KSR2: variants seen among roughly 807,000 people sequenced by gnomAD.
The protein encoded by KSR2 is kinase suppressor of ras 2.
A neutral mutation model predicts 107.8 loss-of-function variants in KSR2; 25 were observed. That is an observed-to-expected ratio of 0.23 (90% CI 0.17 to 0.32). The LOEUF is 0.32. Among genes scored for constraint, KSR2 ranks in the 10% least tolerant of loss-of-function variants. The pLI is 1.00. For synonymous variants in KSR2, 480 were observed against 507.0 expected (o/e 0.95, Z 0.71); for missense variants, 887 against 1,268.9 (o/e 0.70, Z 4.57).
chr12:117,734,761 G>GATGGATGGATGA (rs1444596436), intron 4 of KSR2, among the ~76,000 whole-genome samples: 7 of 152,052 alleles, frequency 4.6e-5, no homozygotes, highest in Non-Finnish European at 8.8e-5. Flanking sequence ...TGCATGGATG[G>GATGGATGGATGA]ATGGATGGAT....
At chr12:117,662,341 C>T (rs1223654960) in intron 5 of KSR2, among the ~76,000 whole-genome samples, 2 of 152,124 alleles carry the variant, frequency 1.3e-5, no homozygotes, top group African/African-American at 2.4e-5. Context: ...CTCATTAAAC[C>T]CCATTATATA....
At chr12:117,826,281 G>C (rs1354293009) in intron 3 of KSR2, among the ~76,000 whole-genome samples, 2 of 152,016 alleles carry the variant, frequency 1.3e-5, no homozygotes, top group Non-Finnish European at 2.9e-5. Context: ...CAAAGAAGAT[G>C]TACACCCTCC....
chr12:117,678,669 G>C (rs762953426), intron 4 of KSR2, among the ~76,000 whole-genome samples: 1 of 152,132 alleles, frequency 6.6e-6, no homozygotes, highest in Non-Finnish European at 1.5e-5. Context: ...GATCTGTTTG[G>C]GGGTAATGCA....
At chr12:117,835,522 C>T (rs1194682184) in intron 3 of KSR2, among the ~76,000 whole-genome samples, 4 of 152,112 alleles carry the variant, frequency 2.6e-5, no homozygotes, top group Admixed American at 1.3e-4. Flanking sequence ...CAGAAGTTGT[C>T]GTCAGTGTCG....
chr12:117,669,772 G>C (rs965611580), intron 4 of KSR2, among the ~76,000 whole-genome samples: 3 of 152,088 alleles, frequency 2.0e-5, no homozygotes, highest in Non-Finnish European at 2.9e-5. Flanking sequence ...GGAGGCTGAG[G>C]TGGGAGGATC....
At chr12:117,524,319 T>C (rs918481088) in intron 14 of KSR2, among the ~76,000 whole-genome samples, 11 of 152,246 alleles carry the variant, frequency 7.2e-5, no homozygotes, top group African/African-American at 2.7e-4. Context: ...CCGATGTTTC[T>C]AATTCCCCAT....
chr12:117,528,134 T>C (rs1378701715), intron 12 of KSR2, among the ~76,000 whole-genome samples: 1 of 152,092 alleles, frequency 6.6e-6, no homozygotes, highest in Non-Finnish European at 1.5e-5. Flanking sequence ...GGTTGTCTTG[T>C]GTGCATGTGA....
At chr12:117,682,950 TA>T (rs1413276896) in intron 4 of KSR2, among the ~76,000 whole-genome samples, 1 of 151,950 alleles carries the variant, frequency 6.6e-6, no homozygotes, top group Non-Finnish European at 1.5e-5. Flanking sequence ...TTCAGTGTGT[TA>T]GGGGTGAGAG....
chr12:117,784,470 G>A (rs927924773), intron 3 of KSR2, among the ~76,000 whole-genome samples: 6 of 152,158 alleles, frequency 3.9e-5, no homozygotes, highest in Admixed American at 2.0e-4. Flanking sequence ...CCAGTCTCAC[G>A]TATGTCTTTA....
intron 14 of KSR2, among the ~76,000 whole-genome samples, chr12:117,501,761 A>G (rs1873390413): frequency 6.6e-6 from 1 of 152,172 alleles, no homozygotes; most frequent in South Asian, 2.1e-4. Flanking sequence ...AGACTGAACT[A>G]CCCGCTGCCA....
chr12:117,589,090 C>T (rs1162396958), intron 5 of KSR2, among the ~76,000 whole-genome samples: 1 of 152,126 alleles, frequency 6.6e-6, no homozygotes, highest in East Asian at 1.9e-4. Context: ...ACCCAGTTTC[C>T]TATAAAATTA....
At chr12:117,758,295 T>C (rs569758695) in intron 4 of KSR2, among the ~76,000 whole-genome samples, 4 of 152,300 alleles carry the variant, frequency 2.6e-5, no homozygotes, top group African/African-American at 9.6e-5. Flanking sequence ...AGAATTCACC[T>C]CTACCCATGA....
At chr12:117,637,688 T>TTTTTG (rs1278893225) in intron 5 of KSR2, among the ~76,000 whole-genome samples, 1 of 136,290 alleles carries the variant, frequency 7.3e-6, no homozygotes, top group Admixed American at 7.4e-5. Flanking sequence ...TTTTTTTTTT[T>TTTTTG]TTTTTTTTTT....
intron 1 of KSR2, among the ~76,000 whole-genome samples, chr12:117,892,476 TC>T (rs1894374951): frequency 6.6e-6 from 1 of 151,882 alleles, no homozygotes. Context: ...GATTCCATCT[TC>T]ACAGGCCAAT....
At chr12:117,584,959 GC>G in intron 5 of KSR2, among the ~76,000 whole-genome samples, 1 of 152,184 alleles carries the variant, frequency 6.6e-6, no homozygotes, top group Non-Finnish European at 1.5e-5. Context: ...TCTTCCAGGA[GC>G]CCCCGCACCC....
At chr12:117,830,110 A>C (rs1403941585) in intron 3 of KSR2, among the ~76,000 whole-genome samples, 2 of 152,070 alleles carry the variant, frequency 1.3e-5, no homozygotes, top group Non-Finnish European at 2.9e-5. Context: ...TCTACTAAAA[A>C]TACAAAAATT....
At chr12:117,828,140 G>A (rs1891824361) in intron 3 of KSR2, among the ~76,000 whole-genome samples, 1 of 152,186 alleles carries the variant, frequency 6.6e-6, no homozygotes, top group Admixed American at 6.5e-5. Context: ...CCATGAGGAT[G>A]GGACAATGTG....
intron 3 of KSR2, among the ~76,000 whole-genome samples, chr12:117,798,063 C>A (rs1890697324): frequency 6.7e-6 from 1 of 150,298 alleles, no homozygotes; most frequent in African/African-American, 2.5e-5. Flanking sequence ...GTGTCACTGA[C>A]CAGATTGACT....
intron 14 of KSR2, among the ~76,000 whole-genome samples, chr12:117,513,623 G>A (rs187081110): frequency 7.2e-5 from 11 of 152,360 alleles, no homozygotes; most frequent in Non-Finnish European, 1.6e-4. Context: ...TGATTTGGAG[G>A]TAGGTCAGTT....
Sources: allele counts gnomAD v4.1 joint callset (sites outside exome capture counted in the v4.1 genomes callset), GRCh38; gene constraint gnomAD v4.1.1; transcripts MANE v1.5; gene names NCBI Gene and HGNC (gene_info 2026-07-23, HGNC 2026-07-21).